BRINP3: variants seen among roughly 807,000 people sequenced by gnomAD.
BRINP3 encodes the protein BMP/retinoic acid-inducible neural-specific protein 3.
BRINP3 carries 19 observed loss-of-function variants against 71.0 expected under a neutral mutation model. That is an observed-to-expected ratio of 0.27 (90% CI 0.19 to 0.39). BRINP3 has a LOEUF of 0.39. BRINP3 is among the 10% of genes least tolerant of loss of function. BRINP3 has a pLI of 1.00. For synonymous variants in BRINP3, 380 were observed against 337.7 expected (o/e 1.13, Z -1.37); for missense variants, 959 against 940.8 (o/e 1.02, Z -0.25).
intron 2 of BRINP3, among the ~76,000 whole-genome samples, chr1:190,409,296 A>G (rs1455456511): frequency 2.0e-5 from 3 of 152,174 alleles, no homozygotes; most frequent in Non-Finnish European, 4.4e-5. Flanking sequence ...AGGAAACAGC[A>G]TTATTTTATT....
intron 7 of BRINP3, among the ~76,000 whole-genome samples, chr1:190,139,255 C>A (rs559662152): frequency 2.0e-5 from 3 of 151,768 alleles, no homozygotes; most frequent in African/African-American, 7.2e-5. Flanking sequence ...TGAGACCAGC[C>A]TGGGCAACAT....
chr1:190,129,005 T>G (rs1377629203), intron 7 of BRINP3, among the ~76,000 whole-genome samples: 1 of 151,822 alleles, frequency 6.6e-6, no homozygotes, highest in Non-Finnish European at 1.5e-5. Flanking sequence ...TACTTGAAAG[T>G]TCTGATTTGA....
intron 4 of BRINP3, among the ~76,000 whole-genome samples, chr1:190,247,260 C>T (rs1459289655): frequency 6.6e-6 from 1 of 151,698 alleles, no homozygotes; most frequent in Non-Finnish European, 1.5e-5. Context: ...GAGTATTCTC[C>T]CCAGATATAA....
rs115216464 is a variant in BRINP3, at chr1:190,412,414, T to C, written c.236+42241A>G. Among the ~76,000 whole-genome samples the C allele has an allele frequency of 2.6e-3, 367 of 141,262 alleles. 3 individuals carry two copies. The highest frequency in any genetic ancestry group is 7.2e-3 in the African/African-American group (277 of 38,588). The allele number at this position is 141,262 out of a possible 152,430, so 92.7% of individuals were successfully genotyped here. A position where few individuals can be genotyped will look rare whatever the true frequency, so the allele number is the denominator to read the frequency against. Reference sequence around the variant, plus strand: ...TATATATTATATATATATATATATATACACTTTTTTTTACTATGTAGTACT... The same window carrying C: ...TATATATTATATATATATATATATACACACTTTTTTTTACTATGTAGTACT... On this transcript the variant is annotated intron_variant, in intron 2 of 7. Coordinates refer to ENST00000367462, the MANE Select transcript of BRINP3 (RefSeq NM_199051.3).
At chr1:190,341,969 G>A (rs1667685974) in intron 2 of BRINP3, among the ~76,000 whole-genome samples, 2 of 151,130 alleles carry the variant, frequency 1.3e-5, no homozygotes, top group African/African-American at 4.8e-5. Flanking sequence ...GTGTCAGCAG[G>A]ACTGAGTTCT....
chr1:190,464,747 C>T (rs929650020), intron 1 of BRINP3, among the ~76,000 whole-genome samples: 3 of 151,652 alleles, frequency 2.0e-5, no homozygotes, highest in African/African-American at 7.3e-5. Context: ...ACTGAGCTTC[C>T]TTGTCTTCAA....
At position 190,281,704 on chromosome 1, in the gene BRINP3, T is replaced by G; in HGVS notation, c.283A>C (p.Asn95His). 1 of 1,612,648 alleles carries G rather than the reference T, an allele frequency of 6.2e-7. No homozygotes were observed. Among genetic ancestry groups the G allele is most frequent in the Non-Finnish European group, 8.5e-7 (1 of 1,179,218 alleles). Residue 95 changes from asparagine to histidine, a missense_variant, in exon 3 of 8, where the codon AAT (asparagine) becomes CAT (histidine). By Grantham distance (68) the Asn-to-His change is moderately conservative (BLOSUM62 1). Coordinates refer to ENST00000367462, the MANE Select transcript of BRINP3 (RefSeq NM_199051.3). ...KVNNLAVERRNFLGSPLPLAP... is the reference protein window; with the variant it reads ...KVNNLAVERRHFLGSPLPLAP... ...AGAGGCAGAGGAGAGCCAAGGAAAT[T>G]TCTTCTCTCAACTGCAAGGTTATTT...
Position 190,226,972 on chromosome 1 carries a change from A to G in BRINP3, c.725-654T>C, listed in dbSNP as rs181833070. On this transcript the variant is annotated intron_variant, in intron 5 of 7. Transcript: ENST00000367462. Reference sequence around the variant, plus strand: ...TCATTAGTTTTCTAGAAACATGTTTAGTAAAGTTGCTATCTCTTAAAAAAC... The same window carrying G: ...TCATTAGTTTTCTAGAAACATGTTTGGTAAAGTTGCTATCTCTTAAAAAAC... Among the ~76,000 whole-genome samples, 444 of 152,090 alleles carry G rather than the reference A, an allele frequency of 2.9e-3. 2 individuals are homozygous for G. The highest frequency in any genetic ancestry group is 0.01 in the African/African-American group (425 of 41,568).
chr1:190,234,700 C>G (rs1242028710), intron 4 of BRINP3, among the ~76,000 whole-genome samples: 1 of 151,868 alleles, frequency 6.6e-6, no homozygotes, highest in East Asian at 1.9e-4. Context: ...CATAAATATC[C>G]CAGGAAAATA....
intron 2 of BRINP3, among the ~76,000 whole-genome samples, chr1:190,318,287 C>T (rs534985632): frequency 6.6e-6 from 1 of 152,126 alleles, no homozygotes; most frequent in Admixed American, 6.6e-5. Context: ...TAAACTTTAT[C>T]TAATATTTTC....
intron 2 of BRINP3, among the ~76,000 whole-genome samples, chr1:190,362,427 G>A (rs1045107204): frequency 6.6e-6 from 1 of 152,110 alleles, no homozygotes; most frequent in Non-Finnish European, 1.5e-5. Context: ...ATCTTAAATG[G>A]TAAGAATTCA....
At chr1:190,368,043 T>C (rs1013039823) in intron 2 of BRINP3, among the ~76,000 whole-genome samples, 5 of 152,150 alleles carry the variant, frequency 3.3e-5, no homozygotes, top group African/African-American at 1.2e-4. Context: ...TTGGGGTATC[T>C]TCAGAGCAGC....
intron 7 of BRINP3, among the ~76,000 whole-genome samples, chr1:190,127,522 T>C (rs1296856862): frequency 2.0e-5 from 3 of 151,902 alleles, no homozygotes; most frequent in East Asian, 1.9e-4. Context: ...ACAGACTTTC[T>C]AAAAGTTACA....
chr1:190,327,487 GA>G (rs59406863), intron 2 of BRINP3, among the ~76,000 whole-genome samples: 70,968 of 126,526 alleles, frequency 0.56, 18,202 homozygotes, highest in East Asian at 0.72. Flanking sequence ...CAAACAAAAA[GA>G]AAAAAAAAAA....
At chr1:190,400,017 T>A (rs1171215217) in intron 2 of BRINP3, among the ~76,000 whole-genome samples, 1 of 152,070 alleles carries the variant, frequency 6.6e-6, no homozygotes, top group Non-Finnish European at 1.5e-5. Context: ...ATTATTTAAG[T>A]CAATTAGCAT....
chr1:190,205,438 GC>G (rs1655412669), intron 6 of BRINP3, among the ~76,000 whole-genome samples: 1 of 151,528 alleles, frequency 6.6e-6, no homozygotes, highest in Non-Finnish European at 1.5e-5. Context: ...GGATGAATAA[GC>G]TTTCCATGTT....
chr1:190,297,984 A>G (rs937062198), intron 2 of BRINP3, among the ~76,000 whole-genome samples: 6 of 152,092 alleles, frequency 3.9e-5, no homozygotes, highest in Non-Finnish European at 8.8e-5. Context: ...GGGCCTGAAG[A>G]TTTATTTGGA....
intron 6 of BRINP3, among the ~76,000 whole-genome samples, chr1:190,189,274 G>A (rs2102565735): frequency 6.6e-6 from 1 of 152,210 alleles, no homozygotes. Flanking sequence ...ATCAGGTTTA[G>A]GGCTTTTCTT....
intron 2 of BRINP3, among the ~76,000 whole-genome samples, chr1:190,439,546 T>G (rs974468314): frequency 1.3e-5 from 2 of 151,870 alleles, no homozygotes; most frequent in Non-Finnish European, 2.9e-5. Context: ...TGTGTGTGTA[T>G]GTGTATGGGT....
Sources: allele counts gnomAD v4.1 joint callset (sites outside exome capture counted in the v4.1 genomes callset), GRCh38; gene constraint gnomAD v4.1.1; transcripts MANE v1.5; gene names NCBI Gene and HGNC (gene_info 2026-07-23, HGNC 2026-07-21).